USP24: variants seen among roughly 807,000 people sequenced by gnomAD.
The protein encoded by USP24 is ubiquitin carboxyl-terminal hydrolase 24.
In USP24, 97 loss-of-function variants were observed where a neutral mutation model predicts 361.6. The ratio of observed to expected loss-of-function variants is 0.27; its 90% CI spans 0.23 to 0.32. The LOEUF is 0.32. Among genes scored for constraint, USP24 ranks in the 10% least tolerant of loss-of-function variants. The probability of loss-of-function intolerance (pLI) is 1.00; values close to 1 mark genes in which losing one functional copy is unlikely to be tolerated. For synonymous variants in USP24, 1,098 were observed against 1,124.6 expected, an observed-to-expected ratio of 0.98 and a Z score of 0.47; for missense variants, 2,353 against 3,165.6, an observed-to-expected ratio of 0.74 and a Z score of 6.16.
chr1:55,207,368 T>A (rs1329840632), intron 1 of USP24, among the ~76,000 whole-genome samples: 2 of 152,116 alleles, frequency 1.3e-5, no homozygotes, highest in African/African-American at 4.8e-5. Context: ...AGTCTTGGAT[T>A]TGAATTTCTG....
chr1:55,093,904 A>T, intron 52 of USP24, 33 bp downstream of exon 52: 1 of 1,612,208 alleles, frequency 6.2e-7, no homozygotes. Context: ...CCACGTGGAT[A>T]TTCCCCCTTA....
chr1:55,147,246 T>C (rs1647052614), intron 18 of USP24, among the ~76,000 whole-genome samples, 186 bp from the exon 19 acceptor site: 1 of 152,196 alleles, frequency 6.6e-6, no homozygotes, highest in Non-Finnish European at 1.5e-5. Context: ...AAGCTATCTA[T>C]CTCAAGTCTA....
At chr1:55,203,530 T>G (rs1280718896) in intron 1 of USP24, among the ~76,000 whole-genome samples, 2 of 152,248 alleles carry the variant, frequency 1.3e-5, no homozygotes, top group African/African-American at 4.8e-5. Flanking sequence ...TATTGTCAGT[T>G]CTACAGATAA....
At chr1:55,137,739 T>A (rs1646778199) in intron 27 of USP24, 51 bp from the exon 28 acceptor site, 1 of 1,572,122 alleles carries the variant, frequency 6.4e-7, no homozygotes, top group Non-Finnish European at 8.6e-7. Context: ...GAGGAAATTA[T>A]TCATATCAGG....
intron 54 of USP24, 81 bp from the exon 55 acceptor site, chr1:55,089,821 T>C: frequency 3.3e-6 from 3 of 898,090 alleles, no homozygotes; most frequent in Non-Finnish European, 5.2e-6. Flanking sequence ...TGTTGGTTCT[T>C]ATCCTTTCTA....
intron 28 of USP24, among the ~76,000 whole-genome samples, chr1:55,134,658 T>C (rs1265823017): frequency 6.6e-6 from 1 of 152,136 alleles, no homozygotes; most frequent in Non-Finnish European, 1.5e-5. Flanking sequence ...GTGAAGGGAC[T>C]AAGGTGCCAA....
chr1:55,085,459 A>C (rs1645231358), intron 56 of USP24, among the ~76,000 whole-genome samples: 1 of 152,256 alleles, frequency 6.6e-6, no homozygotes, highest in Non-Finnish European at 1.5e-5. Context: ...TTGAAACAGC[A>C]ATCTTGGGAA....
intron 49 of USP24, 39 bp from the exon 50 acceptor site, chr1:55,096,661 A>G (rs554696635): frequency 6.3e-7 from 1 of 1,587,436 alleles, no homozygotes; most frequent in East Asian, 2.2e-5. Context: ...TAAGGTTAAA[A>G]AAATCAACCT....
chr1:55,100,235 G>A (rs970438744), intron 44 of USP24, among the ~76,000 whole-genome samples: 2 of 152,178 alleles, frequency 1.3e-5, no homozygotes, highest in South Asian at 2.1e-4. Context: ...GGTGTCTCAC[G>A]CCTGTAATCC....
chr1:55,071,983 C>T, intron 66 of USP24, 59 bp from the exon 67 acceptor site: 1 of 1,444,678 alleles, frequency 6.9e-7, no homozygotes, highest in Non-Finnish European at 9.5e-7. Context: ...GCAGCAGCAA[C>T]CGCCAGGGAA....
Position 55,094,040 on chromosome 1 carries a change from G to T in USP24, c.6251C>A (p.Pro2084His). The T allele has an allele frequency of 6.2e-7, 1 of 1,613,764 alleles. No homozygotes were observed. Among genetic ancestry groups the T allele is most frequent in the Non-Finnish European group, 8.5e-7 (1 of 1,179,802 alleles). ...PEISPQSSPR[P>H]HRPNNDRLSI... ...CAGCCGGTCATTGTTCGGCCTATGG[G>T]GCCGAGGGGATGACTGAGGTGAAAT... The change falls in exon 52 of 68, where the codon CCC (proline) becomes CAC (histidine). Residue 2084 changes from proline (P) to histidine (H), a missense_variant. Around this residue, in one of 8 missense-constraint regions of USP24, gnomAD observed 598 missense variants for 761.9 expected, o/e 0.78. Coordinates refer to ENST00000294383, the MANE Select transcript of USP24 (RefSeq NM_015306.3).
At chr1:55,086,156 A>G in intron 55 of USP24, 118 bp from the exon 56 acceptor site, 1 of 939,132 alleles carries the variant, frequency 1.1e-6, no homozygotes, top group Non-Finnish European at 1.6e-6. Flanking sequence ...TGACAGTGTT[A>G]GCGCTTATGG....
At chr1:55,072,101 C>T (rs1644933762) in intron 66 of USP24, among the ~76,000 whole-genome samples, 177 bp from the exon 67 acceptor site, 1 of 152,084 alleles carries the variant, frequency 6.6e-6, no homozygotes, top group African/African-American at 2.4e-5. Context: ...ACCAGACTGC[C>T]CAACCTGTAT....
intron 31 of USP24, among the ~76,000 whole-genome samples, chr1:55,130,287 C>T (rs1485739257): frequency 1.3e-5 from 2 of 152,208 alleles, no homozygotes; most frequent in East Asian, 3.9e-4. Flanking sequence ...GCATACAATG[C>T]TCCCTTTTGT....
rs558066590 is a variant in USP24 at position 55,084,876 on chromosome 1, G to A, written c.6766-988C>T. Among the ~76,000 whole-genome samples, 77 of 152,226 alleles carry A rather than the reference G, an allele frequency of 5.1e-4. 1 individual carries two copies. The highest frequency in any genetic ancestry group is 1.7e-3 in the African/African-American group (71 of 41,536). ...TAGAGGCTGGTGGGTAATATGCTAC[G>A]GCCTGACCCCATCTCTAGGGAGGCT... On this transcript the variant is annotated intron_variant, in intron 56 of 67. Coordinates refer to ENST00000294383, the MANE Select transcript of USP24 (RefSeq NM_015306.3).
rs772865911 is a variant in USP24, at chr1:55,075,625, GACA to G, written c.7381-105_7381-103del. Reference sequence around the variant, plus strand: ...TACCCAAGAGATTAATTTAGTGTTTGACAACAACAACAACAACAACAACAACAA... The same window carrying G: ...TACCCAAGAGATTAATTTAGTGTTTGACAACAACAACAACAACAACAACAA... On this transcript the variant is annotated intron_variant, in intron 62 of 67. Transcript: ENST00000294383. 245 of 624,560 alleles carry G rather than the reference GACA, an allele frequency of 3.9e-4. No individual in the cohort carries two copies. The African/African-American group carries it at 5.5e-3, about 14-fold the overall frequency. 38.7% of individuals were successfully genotyped at this position (624,560 alleles called of 1,614,324 possible). A position where few individuals can be genotyped will look rare whatever the true frequency, so the allele number is the denominator to read the frequency against.
At chr1:55,181,294 A>C (rs1207064557) in intron 1 of USP24, among the ~76,000 whole-genome samples, 1 of 152,302 alleles carries the variant, frequency 6.6e-6, no homozygotes, top group African/African-American at 2.4e-5. Context: ...AAAACAAAAA[A>C]CAGGAAGGTA....
chr1:55,180,909 A>T (rs915751696), intron 1 of USP24, among the ~76,000 whole-genome samples: 2 of 152,188 alleles, frequency 1.3e-5, no homozygotes, highest in African/African-American at 4.8e-5. Flanking sequence ...GTATTTAATA[A>T]ATATTGTTAA....
At chr1:55,153,252 C>T (rs992948393) in intron 16 of USP24, among the ~76,000 whole-genome samples, 7 of 152,058 alleles carry the variant, frequency 4.6e-5, no homozygotes, top group African/African-American at 1.4e-4. Context: ...CAATCATTAC[C>T]GCTCAATCTG....
Sources: gnomAD v4.1 joint callset for allele counts (sites outside exome capture counted in the v4.1 genomes callset) on GRCh38, gnomAD v4.1.1 for gene constraint, gnomAD v4.1.1 regional missense constraint, MANE v1.5 for transcripts, NCBI Gene and HGNC (gene_info 2026-07-23, HGNC 2026-07-21) for gene names.